The following ERICH1 variants were observed in gnomAD, a reference collection of about 807,000 sequenced individuals.
ERICH1 encodes glutamate-rich protein 1.
In ERICH1, 56 loss-of-function variants were observed where a neutral mutation model predicts 39.6. The observed-to-expected ratio is 1.41, with a 90% CI of 1.14 to 1.77. The LOEUF is 1.77. ERICH1 is among the 40% of genes most tolerant of loss of function. The pLI, the probability that ERICH1 is intolerant of heterozygous loss-of-function variation, is 0.00. For missense variants in ERICH1, 826 were observed against 575.4 expected, an observed-to-expected ratio of 1.44 and a Z score of -4.45; for synonymous variants, 313 against 223.6, an observed-to-expected ratio of 1.40 and a Z score of -3.57.
intron 5 of ERICH1, among the ~76,000 whole-genome samples, chr8:665,011 T>A (rs1801970408): frequency 1.3e-5 from 2 of 152,140 alleles, no homozygotes; most frequent in East Asian, 1.9e-4. Flanking sequence ...AAAACCCACA[T>A]ATAAACCGAA....
rs115956867 is a variant in ERICH1, at chr8:715,000, G to A, written c.169+861C>T. On this transcript the variant is annotated intron_variant, in intron 2 of 5. Coordinates refer to ENST00000262109, the MANE Select transcript of ERICH1 (RefSeq NM_207332.3). ...TGCTGCGCACAGCCGGTCTATTCTC[G>A]TGTCTCTTGGTGGGATGTCTTACAC... is the stretch of plus-strand genomic sequence containing the variant. 1.6e-4 allele frequency among the ~76,000 whole-genome samples: 24 copies of A among 151,482 alleles called. No individual in the cohort carries two copies. In the East Asian group the frequency reaches 3.5e-3, roughly 22 times the overall value.
At chr8:639,294 A>G (rs1798720640) in intron 3 of ERICH1, among the ~76,000 whole-genome samples, 1 of 152,168 alleles carries the variant, frequency 6.6e-6, no homozygotes, top group Admixed American at 6.5e-5. Flanking sequence ...ATCCCATCGC[A>G]GAGCATCTGT....
chr8:622,454 A>T (rs572460640), intron 3 of ERICH1, among the ~76,000 whole-genome samples: 4 of 152,270 alleles, frequency 2.6e-5, no homozygotes, highest in Admixed American at 2.6e-4. Flanking sequence ...CAGTGAGAAG[A>T]CACCATATCT....
intron 1 of ERICH1, among the ~76,000 whole-genome samples, chr8:718,275 G>A (rs926047865): frequency 1.3e-5 from 2 of 151,794 alleles, no homozygotes; most frequent in African/African-American, 2.4e-5. Flanking sequence ...ACCAGGGTAC[G>A]GATTGGAGCG....
intron 1 of ERICH1, among the ~76,000 whole-genome samples, chr8:726,492 G>T (rs755971647): frequency 6.7e-6 from 1 of 148,532 alleles, no homozygotes; most frequent in African/African-American, 2.5e-5. Flanking sequence ...AGGCACACAT[G>T]CATGCACATA....
chr8:683,872 C>T (rs1308818623), intron 3 of ERICH1, among the ~76,000 whole-genome samples: 1 of 152,198 alleles, frequency 6.6e-6, no homozygotes, highest in Non-Finnish European at 1.5e-5. Flanking sequence ...CACATTATTT[C>T]ATAATCTTCA....
intron 1 of ERICH1, among the ~76,000 whole-genome samples, chr8:724,492 C>CAAA (rs1818108375): frequency 6.6e-6 from 1 of 152,102 alleles, no homozygotes; most frequent in Admixed American, 6.6e-5. Flanking sequence ...GCGAGCAGCC[C>CAAA]AGGGGCTTCC....
chr8:665,392 A>G (rs1370379845), intron 5 of ERICH1, among the ~76,000 whole-genome samples: 1 of 152,190 alleles, frequency 6.6e-6, no homozygotes, highest in Non-Finnish European at 1.5e-5. Context: ...CCCCAAGGTC[A>G]GGTTTTACAA....
chr8:661,187 G>A (rs777304289), downstream of ERICH1, among the ~76,000 whole-genome samples: 5 of 152,106 alleles, frequency 3.3e-5, no homozygotes, highest in South Asian at 4.2e-4. Flanking sequence ...ACATTCCTGC[G>A]ATTCTCTGAA....
At chr8:713,112 C>G (rs906122710) in intron 2 of ERICH1, among the ~76,000 whole-genome samples, 1 of 152,230 alleles carries the variant, frequency 6.6e-6, no homozygotes, top group Non-Finnish European at 1.5e-5. Flanking sequence ...AGCCTCTCTA[C>G]GTATGTGTGT....
At chr8:695,392 G>T (rs1809919400) in intron 2 of ERICH1, among the ~76,000 whole-genome samples, 1 of 152,070 alleles carries the variant, frequency 6.6e-6, no homozygotes, top group African/African-American at 2.4e-5. Flanking sequence ...TGACGGCTGT[G>T]AGCAAAACCT....
intron 2 of ERICH1, among the ~76,000 whole-genome samples, chr8:706,788 C>T (rs1308590039): frequency 1.3e-5 from 2 of 152,012 alleles, no homozygotes. Context: ...ACAACAACAA[C>T]AAAAAGATAA....
At chr8:616,336 T>C (rs1030828039) in intron 3 of ERICH1, 8 of 340,764 alleles carry the variant, frequency 2.3e-5, no homozygotes, top group South Asian at 1.1e-4. Context: ...TAACTGAAAG[T>C]TGCTGAAGAC....
chr8:710,963 C>G (rs1478416882), intron 2 of ERICH1, among the ~76,000 whole-genome samples: 1 of 152,214 alleles, frequency 6.6e-6, no homozygotes, highest in Non-Finnish European at 1.5e-5. Context: ...TCCAAAGTGG[C>G]TGCCCTGTTT....
At chr8:692,095 G>C (rs567585246) in intron 3 of ERICH1, among the ~76,000 whole-genome samples, 2 of 152,262 alleles carry the variant, frequency 1.3e-5, no homozygotes, top group East Asian at 3.9e-4. Context: ...TACAATGTCA[G>C]AAATTCTGAA....
At chr8:700,227 G>A (rs1164712440) in intron 2 of ERICH1, among the ~76,000 whole-genome samples, 2 of 65,234 alleles carry the variant, frequency 3.1e-5, no homozygotes, top group African/African-American at 1.0e-4. Flanking sequence ...ACCCGCACAC[G>A]CGCACAGGCC....
chr8:712,609 T>G (rs974213044), intron 2 of ERICH1, among the ~76,000 whole-genome samples: 2 of 152,162 alleles, frequency 1.3e-5, no homozygotes, highest in Admixed American at 1.3e-4. Context: ...TTTTGTATTT[T>G]TAGTAGAGAC....
At chr8:631,806 G>C (rs970065734) in intron 3 of ERICH1, among the ~76,000 whole-genome samples, 2 of 152,050 alleles carry the variant, frequency 1.3e-5, no homozygotes, top group Non-Finnish European at 2.9e-5. Context: ...TAATTTTCTA[G>C]GATGACCTGG....
chr8:717,029 C>T (rs1219199068), intron 1 of ERICH1, among the ~76,000 whole-genome samples: 1 of 152,286 alleles, frequency 6.6e-6, no homozygotes, highest in Non-Finnish European at 1.5e-5. Context: ...CCGTGCCCTC[C>T]GTGGATGGAC....
Sources: gnomAD v4.1 joint callset for allele counts (sites outside exome capture counted in the v4.1 genomes callset) on GRCh38, gnomAD v4.1.1 for gene constraint, MANE v1.5 for transcripts, NCBI Gene and HGNC (gene_info 2026-07-23, HGNC 2026-07-21) for gene names.